The following TRPV6 variants were observed in gnomAD, a reference collection of about 807,000 sequenced individuals.
TRPV6 encodes Alu-binding protein with zinc finger domain.
Under a neutral mutation model 79.0 loss-of-function variants are expected in TRPV6, and 39 were observed. The observed-to-expected ratio is 0.49, with a 90% confidence interval of 0.38 to 0.64. The LOEUF is 0.64. Among genes scored for constraint, TRPV6 ranks in the 30% least tolerant of loss-of-function variants. The pLI is 0.00. For synonymous variants in TRPV6, 373 were observed against 391.9 expected, an observed-to-expected ratio of 0.95 and a Z score of 0.57; for missense variants, 813 against 1,011.1, an observed-to-expected ratio of 0.80 and a Z score of 2.66.
In TRPV6 at chr7:142,871,958, G is replaced by T; in HGVS notation, c.2047C>A (p.Arg683=). 6.2e-7 allele frequency: 1 copy of T among 1,605,796 alleles called. No homozygotes were observed. The highest frequency in any genetic ancestry group is 1.1e-5 in the South Asian group (1 of 89,808). The stretch of plus-strand genomic sequence containing the variant: ...AAGGCCTGTGCGTAGCGTTGGATCC[G>T]CTGCCGGTTGAGATCTTGCCTGTCT... Residue 683 remains arginine, a synonymous_variant, in exon 15 of 15, where the codon CGG becomes AGG. Transcript: ENST00000359396.
chr7:142,875,550 C>G lies in TRPV6; in HGVS notation c.1160G>C (p.Cys387Ser), dbSNP rs1795043694. 1 of 1,612,922 alleles carries G rather than the reference C, an allele frequency of 6.2e-7. No homozygotes were observed. The highest frequency in any genetic ancestry group is 8.5e-7 in the Non-Finnish European group (1 of 1,179,896). The change falls in exon 8 of 15, where the codon TGC (cysteine) becomes TCC (serine). Residue 387 changes from cysteine to serine, a missense_variant. Transcript: ENST00000359396. ...CCTGGGCTTGAGGGGGCGGTAGATG[C>G]AGCACATGGTGAAGCAGATGATGTA...
Position 142,873,716 on chromosome 7 carries a change from G to A in TRPV6, c.1640C>T (p.Ala547Val). 1 of 1,613,834 alleles carries A rather than the reference G, an allele frequency of 6.2e-7. No homozygotes were observed. Among genetic ancestry groups the A allele is most frequent in the Non-Finnish European group, 8.5e-7 (1 of 1,179,796 alleles). ...CTCTGTCTGGAAGATGATATAGAAG[G>A]CTGCTCCACCCAAGGGGGTGAGGGT... The change falls in exon 13 of 15, where the codon GCC (alanine) becomes GTC (valine). Residue 547 changes from alanine to valine, a missense_variant and splice_region_variant. Coordinates refer to ENST00000359396, the MANE Select transcript of TRPV6 (RefSeq NM_018646.6). The surrounding 1 kb of genome is among the most constrained non-coding windows in gnomAD (Gnocchi z 4.8).
intron 1 of TRPV6, chr7:142,885,063 C>T (rs555141630): frequency 5.0e-6 from 1 of 200,800 alleles, no homozygotes; most frequent in East Asian, 1.2e-4. Flanking sequence ...CCTGCCGTCC[C>T]CTCTTGGGTG....
At position 142,877,957 on chromosome 7, in the gene TRPV6, C is replaced by A. The variant is rs527898554; in HGVS notation, c.318G>T (p.Lys106Asn). ...TCTGGTGCACCTTGCAATCCTCATA[C>A]TTGAGCAACTTGTTCAGGGCCTGGA... Residue 106 changes from lysine (K) to asparagine (N), a missense_variant, in exon 2 of 15, where the codon AAG (lysine) becomes AAT (asparagine). Around this residue, in one of 3 missense-constraint regions of TRPV6, gnomAD observed 555 missense variants for 631.0 expected, o/e 0.88. Coordinates refer to ENST00000359396, the MANE Select transcript of TRPV6 (RefSeq NM_018646.6). 6.2e-7 allele frequency: 1 copy of A among 1,614,228 alleles called. No individual in the cohort carries two copies. The highest frequency in any genetic ancestry group is 8.5e-7 in the Non-Finnish European group (1 of 1,180,034).
Position 142,871,388 on chromosome 7 carries a change from G to T in TRPV6, c.*319C>A, listed in dbSNP as rs559221524. ...CACTTATGACCCTGGGGTGGAGACCGAGCGCCCAAGCAGGCTGGCCTGTTT... is the reference window on the plus strand; with the variant it reads ...CACTTATGACCCTGGGGTGGAGACCTAGCGCCCAAGCAGGCTGGCCTGTTT... On this transcript the variant is annotated 3_prime_UTR_variant, in exon 15 of 15. Coordinates refer to ENST00000359396, the MANE Select transcript of TRPV6 (RefSeq NM_018646.6). The T allele has an allele frequency of 1.6e-3, 707 of 438,228 alleles. 8 individuals are homozygous for T. The highest frequency in any genetic ancestry group is 4.7e-3 in the South Asian group (177 of 37,378). The allele number at this position is 438,228 out of a possible 1,614,324, so 27.1% of individuals were successfully genotyped here.
At chr7:142,880,076 G>A (rs1245070692) in intron 1 of TRPV6, 2 of 152,172 alleles carry the variant, frequency 1.3e-5, no homozygotes, top group Non-Finnish European at 2.9e-5. Context: ...AATGCCAAAA[G>A]GTGGTTTGAA....
rs1795283658 is a variant in TRPV6 at position 142,885,380 on chromosome 7, G to A, written c.248+9C>T. ...AGGTGGGGAAGGGAGCAGACCAAGG[G>A]GGCCTTACCTCTTCTGCTGCAGCAG... On this transcript the variant is annotated intron_variant, in intron 1 of 14. Coordinates refer to ENST00000359396, the MANE Select transcript of TRPV6 (RefSeq NM_018646.6). 3.1e-6 allele frequency: 5 copies of A among 1,609,058 alleles called. No homozygotes were observed. Among genetic ancestry groups the A allele is most frequent in the South Asian group, 1.1e-5 (1 of 90,386 alleles).
rs4987667 is a variant in TRPV6, at chr7:142,875,155, T to C, written c.1252A>G (p.Met418Val). 0.093 allele frequency: 150,756 copies of C among 1,613,764 alleles called. 14,870 individuals are homozygous for C. The highest frequency in any genetic ancestry group is 0.52 in the African/African-American group (39,140 of 74,892). ...AGCCGGATATCGTCCTTAGGGGTCA[T>C]GTAGGCTTCCTAATGGGGGAGAAGA... Residue 418 changes from methionine to valine, a missense_variant, in exon 9 of 15, where the codon ATG (methionine) becomes GTG (valine). Around this residue, in one of 3 missense-constraint regions of TRPV6, gnomAD observed 555 missense variants for 631.0 expected, o/e 0.88. Transcript: ENST00000359396.
Position 142,871,776 on chromosome 7 carries a change from C to G in TRPV6, c.2229G>C (p.Leu743=), listed in dbSNP as rs766832518. 1 of 1,614,192 alleles carries G rather than the reference C, an allele frequency of 6.2e-7. No individual in the cohort carries two copies. Among genetic ancestry groups the G allele is most frequent in the Non-Finnish European group, 8.5e-7 (1 of 1,180,018 alleles). The change falls in exon 15 of 15, where the codon CTG becomes CTC. Residue 743 remains leucine (L), a synonymous_variant. Transcript: ENST00000359396. ...TGATTATCCCACGCAGGTCTCTCCT[C>G]AGGGTCCCTTGCCGAAGCCTTTCCC... is the stretch of plus-strand genomic sequence containing the variant.
At chr7:142,877,091 C>T (rs117691644) in intron 4 of TRPV6, 51 bp downstream of exon 4, 26,717 of 1,578,692 alleles carry the variant, frequency 0.017, 270 homozygotes, top group South Asian at 0.025. Context: ...CCCTGCCCTG[C>T]CTTGCCCACC....
chr7:142,871,865 T>C lies in TRPV6; in HGVS notation c.2140A>G (p.Ser714Gly). ...GGCATAGGAAGGGACAGGTGGGGGC[T>C]GAAGGGACAGCCCAGCTCTAGTTTT... The change falls in exon 15 of 15, where the codon AGC becomes GGC. Residue 714 changes from serine to glycine, a missense_variant. Coordinates refer to ENST00000359396, the MANE Select transcript of TRPV6 (RefSeq NM_018646.6). 1.9e-6 allele frequency: 3 copies of C among 1,614,180 alleles called. No individual in the cohort carries two copies. Among genetic ancestry groups the C allele is most frequent in the Non-Finnish European group, 2.5e-6 (3 of 1,180,022 alleles).
In TRPV6 at chr7:142,875,067, C is replaced by T. The variant is rs763872122; in HGVS notation, c.1329+11G>A. On this transcript the variant is annotated intron_variant, in intron 9 of 14. Transcript: ENST00000359396. ...GCAGACAGCCTCACCCAGAGTCCATCCACACCTCACCTCTACCAGCAGGAT... is the reference window on the plus strand; with the variant it reads ...GCAGACAGCCTCACCCAGAGTCCATTCACACCTCACCTCTACCAGCAGGAT... 1.9e-5 allele frequency: 31 copies of T among 1,614,064 alleles called. No homozygotes were observed. The Admixed American group carries it at 5.2e-4, about 27-fold the overall frequency.
intron 1 of TRPV6, chr7:142,883,851 AG>A: frequency 6.6e-6 from 1 of 152,394 alleles, no homozygotes; most frequent in Non-Finnish European, 1.5e-5. Flanking sequence ...CAGGGCAGGG[AG>A]GGGGGATCCC....
Position 142,885,111 on chromosome 7 carries a change from A to AT in TRPV6, c.248+277_248+278insA, listed in dbSNP as rs1300775530. 1.5e-5 allele frequency: 4 copies of AT among 271,750 alleles called. No individual in the cohort carries two copies. The East Asian group carries it at 2.9e-4, about 20-fold the overall frequency. The allele number at this position is 271,750 out of a possible 1,614,324, so 16.8% of individuals were successfully genotyped here. On this transcript the variant is annotated intron_variant, in intron 1 of 14. Coordinates refer to ENST00000359396, the MANE Select transcript of TRPV6 (RefSeq NM_018646.6). ...TGCTCTATCCTTACAAGCCCCAGCA[A>AT]GACGCCTGGCCCTTAGAGAAGTACT...
intron 1 of TRPV6, 152 bp downstream of exon 1, chr7:142,885,237 A>T: frequency 1.2e-6 from 1 of 860,518 alleles, no homozygotes; most frequent in Non-Finnish European, 1.7e-6. Flanking sequence ...TGAGGCTCTT[A>T]AGACAGAATG....
At position 142,877,698 on chromosome 7, in the gene TRPV6, G is replaced by A; in HGVS notation, c.422C>T (p.Ala141Val). ...GGGCTCAAAGACCAGCTCCGGGGCAGCCTCCATCAGCACCATGGCGGCCTC... is the reference window on the plus strand; with the variant it reads ...GGGCTCAAAGACCAGCTCCGGGGCAACCTCCATCAGCACCATGGCGGCCTC... Residue 141 changes from alanine to valine, a missense_variant, in exon 3 of 15, where the codon GCT (alanine) becomes GTT (valine). Physicochemically the swap from Ala to Val is moderately conservative, Grantham distance 64. This residue lies in a region of TRPV6 where 555 missense variants were observed against 631.0 expected (regional missense o/e 0.88). Coordinates refer to ENST00000359396, the MANE Select transcript of TRPV6 (RefSeq NM_018646.6). The A allele has an allele frequency of 6.2e-7, 1 of 1,614,192 alleles. No individual in the cohort carries two copies. The highest frequency in any genetic ancestry group is 8.5e-7 in the Non-Finnish European group (1 of 1,180,028).
intron 10 of TRPV6, 108 bp from the exon 11 acceptor site, chr7:142,874,764 C>T: frequency 6.4e-7 from 1 of 1,555,030 alleles, no homozygotes; most frequent in African/African-American, 1.4e-5. Flanking sequence ...TTCAGCCTCC[C>T]CACACTCAAT....
rs1278714309 is a variant in TRPV6 at position 142,874,657 on chromosome 7, C to T, written c.1407-1G>A. 1 of 1,612,638 alleles carries T rather than the reference C, an allele frequency of 6.2e-7. No homozygotes were observed. Among genetic ancestry groups the T allele is most frequent in the Non-Finnish European group, 8.5e-7 (1 of 1,179,146 alleles). ...CAGCACCATGAAGGCATAGGTGATG[C>T]TGGGGGAGCAGGGAGGAGGGTGATG... On this transcript the variant is annotated splice_acceptor_variant, in intron 10 of 14. Transcript: ENST00000359396. LOFTEE classifies it high-confidence loss of function.
intron 8 of TRPV6, 99 bp downstream of exon 8, chr7:142,875,369 A>G: frequency 7.3e-7 from 1 of 1,367,566 alleles, no homozygotes; most frequent in Non-Finnish European, 9.9e-7. Flanking sequence ...TTGAGATTAG[A>G]GCAAGGGGAG....
Sources: gnomAD v4.1 joint callset for allele counts on GRCh38, gnomAD v4.1.1 for gene constraint, gnomAD v4.1.1 regional missense constraint, Gnocchi (gnomAD v3.1) non-coding constraint, MANE v1.5 for transcripts, NCBI Gene and HGNC (gene_info 2026-07-23, HGNC 2026-07-21) for gene names.